TBC1D22A: variants seen among roughly 807,000 people sequenced by gnomAD.
The protein encoded by TBC1D22A is TBC1 domain family member 22A.
Under a neutral mutation model 60.2 loss-of-function variants are expected in TBC1D22A, and 38 were observed. The observed-to-expected ratio is 0.63, with a 90% CI of 0.49 to 0.83. The LOEUF is 0.83. Ranked by LOEUF, TBC1D22A falls within the 40% of genes least tolerant of loss-of-function variation. The pLI is 0.00. For missense variants in TBC1D22A, 628 were observed against 701.0 expected (o/e 0.90, Z 1.18); for synonymous variants, 302 against 281.7 (o/e 1.07, Z -0.72).
chr22:46,942,725 C>T (rs181018911), intron 8 of TBC1D22A, among the ~76,000 whole-genome samples: 473 of 152,230 alleles, frequency 3.1e-3, no homozygotes, highest in Non-Finnish European at 5.1e-3. Context: ...CAGGCCTCCC[C>T]GAGGGATCCT....
intron 12 of TBC1D22A, among the ~76,000 whole-genome samples, chr22:47,158,539 C>T (rs1195043732): frequency 6.6e-6 from 1 of 152,136 alleles, no homozygotes; most frequent in African/African-American, 2.4e-5. Context: ...GATCACGGCC[C>T]ACCCTCTGCA....
intron 11 of TBC1D22A, among the ~76,000 whole-genome samples, chr22:47,089,275 T>C (rs1056416050): frequency 2.6e-5 from 4 of 152,224 alleles, no homozygotes; most frequent in Non-Finnish European, 5.9e-5. Flanking sequence ...TAAGTTGTTG[T>C]CTCTGAGAGA....
intron 4 of TBC1D22A, among the ~76,000 whole-genome samples, chr22:46,840,039 A>G (rs1213002056): frequency 6.6e-6 from 1 of 152,256 alleles, no homozygotes; most frequent in Non-Finnish European, 1.5e-5. Flanking sequence ...TGTTCTGCTC[A>G]GTGCCTTTTT....
intron 12 of TBC1D22A, among the ~76,000 whole-genome samples, chr22:47,164,984 G>A (rs936769432): frequency 2.6e-5 from 4 of 152,126 alleles, no homozygotes; most frequent in African/African-American, 4.8e-5. Flanking sequence ...TTGTCATTTC[G>A]GGAGTAGGAG....
chr22:46,916,284 C>T (rs1034645637), intron 8 of TBC1D22A, among the ~76,000 whole-genome samples: 60 of 152,290 alleles, frequency 3.9e-4, no homozygotes, highest in African/African-American at 1.4e-3. Flanking sequence ...GTCAGAGAAA[C>T]AGTTTGTAGT....
intron 8 of TBC1D22A, among the ~76,000 whole-genome samples, chr22:46,951,891 G>T (rs781333273): frequency 2.0e-5 from 3 of 152,238 alleles, no homozygotes; most frequent in Admixed American, 6.5e-5. Flanking sequence ...GAGGGGAGAC[G>T]AGGAAGCAGG....
chr22:47,055,411 G>A (rs1453280223), intron 11 of TBC1D22A, among the ~76,000 whole-genome samples: 2 of 152,210 alleles, frequency 1.3e-5, no homozygotes, highest in African/African-American at 4.8e-5. Flanking sequence ...ATGGATGGGT[G>A]GATGGCTGGA....
intron 4 of TBC1D22A, among the ~76,000 whole-genome samples, chr22:46,876,655 C>G (rs1324224113): frequency 1.3e-5 from 2 of 152,174 alleles, no homozygotes; most frequent in Non-Finnish European, 2.9e-5. Flanking sequence ...GTGGAGTGTT[C>G]TCAGAAGCCC....
chr22:46,808,131 G>A (rs1481509324), intron 4 of TBC1D22A, among the ~76,000 whole-genome samples: 1 of 152,198 alleles, frequency 6.6e-6, no homozygotes, highest in East Asian at 1.9e-4. Flanking sequence ...GCCGAGGCGG[G>A]TGGATCACCT....
At chr22:46,952,755 C>G (rs555621389) in intron 8 of TBC1D22A, among the ~76,000 whole-genome samples, 1 of 152,260 alleles carries the variant, frequency 6.6e-6, no homozygotes, top group South Asian at 2.1e-4. Context: ...TCTGCTGAAA[C>G]CTGAGGGCCC....
At chr22:47,165,727 C>T (rs2068180870) in intron 12 of TBC1D22A, among the ~76,000 whole-genome samples, 1 of 152,124 alleles carries the variant, frequency 6.6e-6, no homozygotes, top group Non-Finnish European at 1.5e-5. Context: ...GCCCGAGGGC[C>T]TCCTGCTGGG....
At position 47,173,802 on chromosome 22, in the gene TBC1D22A, C is replaced by T. The variant is rs150216331; in HGVS notation, c.*176C>T. On this transcript the variant is annotated 3_prime_UTR_variant, in exon 13 of 13. Transcript: ENST00000337137. Reference sequence around the variant, plus strand: ...AGACCTGGTCTAGGGCTGACAAAGACAGGGACAGCCTTTGTTTTCTGAGAT... The same window carrying T: ...AGACCTGGTCTAGGGCTGACAAAGATAGGGACAGCCTTTGTTTTCTGAGAT... 323 of 1,018,050 alleles carry T rather than the reference C, an allele frequency of 3.2e-4. No individual in the cohort carries two copies. In the East Asian group the frequency reaches 8.5e-3, roughly 27 times the overall value. 63.1% of individuals were successfully genotyped at this position (1,018,050 alleles called of 1,614,324 possible).
At chr22:46,920,872 G>A (rs2070717282) in intron 8 of TBC1D22A, among the ~76,000 whole-genome samples, 2 of 151,796 alleles carry the variant, frequency 1.3e-5, no homozygotes, top group South Asian at 2.1e-4. Flanking sequence ...CTGGGTTCAA[G>A]CGATTCTCCT....
intron 9 of TBC1D22A, among the ~76,000 whole-genome samples, chr22:46,992,499 G>A (rs903211591): frequency 2.6e-4 from 39 of 152,226 alleles, no homozygotes; most frequent in African/African-American, 8.9e-4. Context: ...AGGGAATCGT[G>A]GGAACTCTCC....
chr22:47,054,345 T>C (rs1422774181), intron 11 of TBC1D22A, among the ~76,000 whole-genome samples: 2 of 152,202 alleles, frequency 1.3e-5, no homozygotes, highest in Non-Finnish European at 2.9e-5. Flanking sequence ...CAGCCATCCT[T>C]GGGCTTCATT....
At chr22:46,944,380 T>C (rs1465969690) in intron 8 of TBC1D22A, among the ~76,000 whole-genome samples, 1 of 152,226 alleles carries the variant, frequency 6.6e-6, no homozygotes, top group East Asian at 1.9e-4. Flanking sequence ...TAAATCTATT[T>C]TACTTGCATT....
chr22:46,773,087 G>C (rs1215496890), intron 1 of TBC1D22A, among the ~76,000 whole-genome samples: 1 of 152,248 alleles, frequency 6.6e-6, no homozygotes, highest in East Asian at 1.9e-4. Context: ...TGGCTCTGTG[G>C]CCTGAGAGTG....
chr22:46,975,277 G>T (rs541818832), intron 9 of TBC1D22A, among the ~76,000 whole-genome samples: 47 of 152,236 alleles, frequency 3.1e-4, no homozygotes, highest in African/African-American at 1.1e-3. Flanking sequence ...GAGGGTAGAC[G>T]GGTGAGTATG....
intron 12 of TBC1D22A, among the ~76,000 whole-genome samples, chr22:47,148,929 G>A (rs1341892548): frequency 1.3e-5 from 2 of 148,986 alleles, no homozygotes; most frequent in Non-Finnish European, 2.9e-5. Context: ...CTTCATGCAG[G>A]TTCTAGGGGG....
Sources: allele counts gnomAD v4.1 joint callset (sites outside exome capture counted in the v4.1 genomes callset), GRCh38; gene constraint gnomAD v4.1.1; transcripts MANE v1.5; gene names NCBI Gene and HGNC (gene_info 2026-07-23, HGNC 2026-07-21).